Variants in LAMA2 observed in about 807,000 individuals in gnomAD.
The protein encoded by LAMA2 is laminin subunit alpha-2.
A neutral mutation model predicts 364.8 loss-of-function variants in LAMA2; 269 were observed. The observed-to-expected ratio is 0.74, with a 90% CI of 0.67 to 0.82. LAMA2 has a LOEUF of 0.82. LAMA2 is among the 40% of genes least tolerant of loss of function. LAMA2 has a pLI of 0.00. For missense variants in LAMA2, 3,807 were observed against 3,873.2 expected (o/e 0.98, Z 0.45); for synonymous variants, 1,379 against 1,370.6 (o/e 1.01, Z -0.14).
chr6:129,297,880 C>T lies in LAMA2; in HGVS notation c.3037+15C>T. ...AGGCTGCACAGGTCTGTAAATATGA[C>T]TTAAGTCCTACATATTCACTCTGAT... On this transcript the variant is annotated intron_variant, in intron 21 of 64. Coordinates refer to ENST00000421865, the MANE Select transcript of LAMA2 (RefSeq NM_000426.4). 4 of 1,607,960 alleles carry T rather than the reference C, an allele frequency of 2.5e-6. No individual in the cohort carries two copies. The highest frequency in any genetic ancestry group is 3.4e-6 in the Non-Finnish European group (4 of 1,175,438).
In LAMA2 at chr6:129,427,786, C is replaced by T; in HGVS notation, c.5900C>T (p.Ala1967Val). 6.2e-7 allele frequency: 1 copy of T among 1,613,678 alleles called. No homozygotes were observed. The highest frequency in any genetic ancestry group is 8.5e-7 in the Non-Finnish European group (1 of 1,179,766). The change falls in exon 41 of 65, where the codon GCC becomes GTC. Residue 1967 changes from alanine (A) to valine (V), a missense_variant. Ala to Val is a moderately conservative substitution (Grantham distance 64). Around this residue, in one of 3 missense-constraint regions of LAMA2, gnomAD observed 3,333 missense variants for 3,345.7 expected, o/e 1.00. Transcript: ENST00000421865. ...CCTCGGGGTTTATTAAAGGAAGATGCCAAAGGCTGTCTTCAGAAAAGCTTC... is the reference window on the plus strand; with the variant it reads ...CCTCGGGGTTTATTAAAGGAAGATGTCAAAGGCTGTCTTCAGAAAAGCTTC... The part of the protein sequence containing the change: ...TGPRGLLKED[A>V]KGCLQKSFRI...
chr6:129,176,362 G>C lies in LAMA2; in HGVS notation c.1307-1344G>C, dbSNP rs73599041. On this transcript the variant is annotated intron_variant, in intron 9 of 64. Coordinates refer to ENST00000421865, the MANE Select transcript of LAMA2 (RefSeq NM_000426.4). ...AGAAAATAAGCCTTAGATAATTTCT[G>C]CTTTGATAATTGAGTATTTTTTATA... Among the ~76,000 whole-genome samples the C allele has an allele frequency of 7.5e-3, 1,133 of 151,924 alleles. 15 individuals are homozygous for C. The highest frequency in any genetic ancestry group is 0.026 in the African/African-American group (1,096 of 41,526).
chr6:129,443,024 ATTTT>A (rs530596252), intron 43 of LAMA2, 35 bp from the exon 44 acceptor site: 1 of 1,492,302 alleles, frequency 6.7e-7, no homozygotes, highest in African/African-American at 1.4e-5. Context: ...TGAATTTATA[ATTTT>A]TTTTTGTTTT....
In LAMA2 at chr6:129,411,714, C is replaced by T. The variant is rs114267034; in HGVS notation, c.5865+7755C>T. Among the ~76,000 whole-genome samples the T allele has an allele frequency of 2.7e-3, 417 of 152,214 alleles. 3 individuals are homozygous for T. Among genetic ancestry groups the T allele is most frequent in the African/African-American group, 9.6e-3 (398 of 41,506 alleles). ...AAGAAGCACTGAACTACTACAAATA[C>T]GCTTCATTTGCTATAAATACACTTC... On this transcript the variant is annotated intron_variant, in intron 40 of 64. Transcript: ENST00000421865.
intron 1 of LAMA2, among the ~76,000 whole-genome samples, chr6:128,993,875 G>A (rs1328102690): frequency 6.6e-6 from 1 of 152,006 alleles, no homozygotes; most frequent in African/African-American, 2.4e-5. Context: ...TCAAAAATGT[G>A]GATATTTGAA....
chr6:129,417,776 T>G (rs967999718), intron 40 of LAMA2, among the ~76,000 whole-genome samples: 13 of 152,100 alleles, frequency 8.5e-5, no homozygotes, highest in African/African-American at 3.1e-4. Context: ...GGGGCCAAGA[T>G]AGTAGGGGGC....
intron 11 of LAMA2, among the ~76,000 whole-genome samples, chr6:129,191,342 C>G (rs1446561778): frequency 6.6e-6 from 1 of 152,188 alleles, no homozygotes; most frequent in Non-Finnish European, 1.5e-5. Context: ...TTAAGTCAAG[C>G]CTCATATTAT....
At chr6:129,306,929 C>T (rs550111369) in intron 22 of LAMA2, among the ~76,000 whole-genome samples, 1 of 152,098 alleles carries the variant, frequency 6.6e-6, no homozygotes, top group South Asian at 2.1e-4. Flanking sequence ...TTTTTTATTG[C>T]AGGACTATTC....
rs1460762597 is a variant in LAMA2 at position 129,270,569 on chromosome 6, A to T, written c.2323-55A>T. ...TGACTTCGTAGACCTATTTTTGGCA[A>T]CATGTTGATCCCTGACACCAAAATA... On this transcript the variant is annotated intron_variant, in intron 16 of 64. Coordinates refer to ENST00000421865, the MANE Select transcript of LAMA2 (RefSeq NM_000426.4). 2.5e-6 allele frequency: 4 copies of T among 1,602,356 alleles called. No homozygotes were observed. The African/African-American group carries it at 5.4e-5, about 21-fold the overall frequency.
At chr6:129,279,702 G>A (rs1294963967) in intron 17 of LAMA2, among the ~76,000 whole-genome samples, 5 of 152,104 alleles carry the variant, frequency 3.3e-5, no homozygotes, top group Admixed American at 1.3e-4. Flanking sequence ...AAATTCAGAG[G>A]GATTTGGCTA....
At chr6:129,122,096 C>T (rs2114920129) in intron 4 of LAMA2, among the ~76,000 whole-genome samples, 1 of 152,272 alleles carries the variant, frequency 6.6e-6, no homozygotes, top group South Asian at 2.1e-4. Flanking sequence ...GTTTTTTAAA[C>T]TGATTTACTG....
intron 1 of LAMA2, among the ~76,000 whole-genome samples, chr6:129,047,832 T>G (rs1391425642): frequency 6.6e-6 from 1 of 152,252 alleles, no homozygotes; most frequent in African/African-American, 2.4e-5. Flanking sequence ...TAATTTACTT[T>G]CTTTTTTAAT....
intron 3 of LAMA2, among the ~76,000 whole-genome samples, chr6:129,097,444 C>T (rs550630902): frequency 6.6e-6 from 1 of 152,196 alleles, no homozygotes; most frequent in African/African-American, 2.4e-5. Context: ...CCACATTCCT[C>T]TCCATTGTCA....
At chr6:129,103,450 C>A (rs1350144378) in intron 4 of LAMA2, among the ~76,000 whole-genome samples, 1 of 152,168 alleles carries the variant, frequency 6.6e-6, no homozygotes, top group Admixed American at 6.6e-5. Flanking sequence ...TTATTGTTAT[C>A]TAAACCACAG....
chr6:129,387,639 T>G (rs1281451388), intron 35 of LAMA2, among the ~76,000 whole-genome samples: 1 of 152,138 alleles, frequency 6.6e-6, no homozygotes, highest in Non-Finnish European at 1.5e-5. Context: ...TGCAAAGAGA[T>G]GGAACCAACC....
At chr6:129,075,722 A>G (rs537864517) in intron 3 of LAMA2, among the ~76,000 whole-genome samples, 15 of 152,244 alleles carry the variant, frequency 9.9e-5, no homozygotes, top group Admixed American at 6.5e-4. Flanking sequence ...CTGAAATAGT[A>G]TGGATTAAAG....
chr6:128,953,635 CTA>C (rs1036409371), intron 1 of LAMA2, among the ~76,000 whole-genome samples: 7 of 149,812 alleles, frequency 4.7e-5, no homozygotes. Flanking sequence ...GAATGTATGT[CTA>C]TATATATATG....
chr6:129,403,627 A>C lies in LAMA2; in HGVS notation c.5727-194A>C, dbSNP rs75284154. On this transcript the variant is annotated intron_variant, in intron 39 of 64. Coordinates refer to ENST00000421865, the MANE Select transcript of LAMA2 (RefSeq NM_000426.4). ...ATATGTTGGTAGTATTTCATAGCTG[A>C]ATTATTAGAAATATAAGTTTAGGTT... Among the ~76,000 whole-genome samples, 1,242 of 152,322 alleles carry C rather than the reference A, an allele frequency of 8.2e-3. 17 individuals carry two copies. The highest frequency in any genetic ancestry group is 0.028 in the African/African-American group (1,171 of 41,570).
chr6:129,038,781 C>T (rs1280074116), intron 1 of LAMA2, among the ~76,000 whole-genome samples: 3 of 152,140 alleles, frequency 2.0e-5, no homozygotes, highest in Admixed American at 2.0e-4. Flanking sequence ...AGGTAGGACA[C>T]TGCATACCCT....
Sources: allele counts gnomAD v4.1 joint callset (sites outside exome capture counted in the v4.1 genomes callset), GRCh38; gene constraint gnomAD v4.1.1; regional missense constraint gnomAD v4.1.1; transcripts MANE v1.5; gene names NCBI Gene and HGNC (gene_info 2026-07-23, HGNC 2026-07-21).